Variants in EXOC4 observed in about 807,000 individuals in gnomAD.
EXOC4 encodes the protein exocyst complex component 4.
A neutral mutation model predicts 107.2 loss-of-function variants in EXOC4; 71 were observed. The ratio of observed to expected loss-of-function variants is 0.66; its 90% confidence interval spans 0.55 to 0.81. The LOEUF is 0.81. Ranked by LOEUF, EXOC4 falls within the 30% of genes least tolerant of loss-of-function variation. The probability of loss-of-function intolerance (pLI) is 0.00; values close to 1 mark genes in which losing one functional copy is unlikely to be tolerated. For synonymous variants in EXOC4, 456 were observed against 441.2 expected (o/e 1.03, Z -0.42); for missense variants, 1,108 against 1,189.6 (o/e 0.93, Z 1.01).
chr7:134,086,096 T>C, the EXOC4 span, among the ~76,000 whole-genome samples: 1 of 152,222 alleles, frequency 6.6e-6, no homozygotes, highest in Non-Finnish European at 1.5e-5. Context: ...AAAATCTCTG[T>C]TCAGTCATTA....
At chr7:133,541,862 A>G (rs771538883) in intron 9 of EXOC4, among the ~76,000 whole-genome samples, 1 of 152,014 alleles carries the variant, frequency 6.6e-6, no homozygotes, top group South Asian at 2.1e-4. Context: ...TTGGGAAAGA[A>G]GTTTTCCCCA....
intron 2 of EXOC4, among the ~76,000 whole-genome samples, chr7:133,281,250 A>G (rs555681275): frequency 1.3e-5 from 2 of 151,948 alleles, no homozygotes; most frequent in African/African-American, 4.8e-5. Context: ...AACCTGCACA[A>G]TGTGCACATG....
intron 10 of EXOC4, among the ~76,000 whole-genome samples, chr7:133,803,151 A>G (rs902898241): frequency 6.6e-5 from 10 of 152,326 alleles, no homozygotes; most frequent in Admixed American, 6.5e-4. Context: ...AAACTGTGTT[A>G]GAACTGGCTG....
Position 133,900,153 on chromosome 7 carries a change from G to A in EXOC4, c.1871+4418G>A, listed in dbSNP as rs146689197. Among the ~76,000 whole-genome samples the A allele has an allele frequency of 3.6e-3, 555 of 152,288 alleles. 5 individuals are homozygous for A. Among genetic ancestry groups the A allele is most frequent in the Admixed American group, 6.6e-3 (101 of 15,294 alleles). ...TACTGAGCATTTACCAAGATGCTGTGAGGGTGTGTGGGGATAAAGAAATTA... is the reference window on the plus strand; with the variant it reads ...TACTGAGCATTTACCAAGATGCTGTAAGGGTGTGTGGGGATAAAGAAATTA... On this transcript the variant is annotated intron_variant, in intron 12 of 17. Transcript: ENST00000253861.
Position 133,288,942 on chromosome 7 carries a change from A to G in EXOC4, c.297A>G (p.Ser99=), listed in dbSNP as rs771310915. ...KIKQVKENLL[S]CKMLLHCKRD... The stretch of plus-strand genomic sequence containing the variant: ...TGTAGGTAAAAGAGAACCTGCTTTC[A>G]TGCAAGATGCTGCTGCACTGCAAAC... The change falls in exon 3 of 18, where the codon TCA becomes TCG. Residue 99 remains serine, a synonymous_variant. Transcript: ENST00000253861. 48 of 1,614,054 alleles carry G rather than the reference A, an allele frequency of 3.0e-5. No individual in the cohort carries two copies. The highest frequency in any genetic ancestry group is 3.6e-5 in the Non-Finnish European group (43 of 1,179,994).
intron 7 of EXOC4, among the ~76,000 whole-genome samples, chr7:133,460,373 T>C (rs890227368): frequency 1.3e-5 from 2 of 152,182 alleles, no homozygotes; most frequent in African/African-American, 4.8e-5. Context: ...CCAGTAACTC[T>C]AGTGCACAGG....
At chr7:133,637,373 A>G (rs1020318455) in intron 10 of EXOC4, among the ~76,000 whole-genome samples, 2 of 152,184 alleles carry the variant, frequency 1.3e-5, no homozygotes, top group African/African-American at 4.8e-5. Context: ...ACATTGTTCT[A>G]CCCATGTCAG....
chr7:133,329,271 G>C (rs1001006718), intron 5 of EXOC4, among the ~76,000 whole-genome samples: 6 of 152,216 alleles, frequency 3.9e-5, no homozygotes, highest in East Asian at 1.9e-4. Context: ...AGCTCCATCA[G>C]GTCATTTAAG....
intron 5 of EXOC4, among the ~76,000 whole-genome samples, chr7:133,331,859 T>G (rs1481309900): frequency 6.6e-6 from 1 of 152,214 alleles, no homozygotes; most frequent in Non-Finnish European, 1.5e-5. Context: ...TCTAAATATG[T>G]AGGGCATGTA....
At chr7:133,817,150 A>G (rs531023813) in intron 10 of EXOC4, among the ~76,000 whole-genome samples, 175 bp from the exon 11 acceptor site, 1 of 151,978 alleles carries the variant, frequency 6.6e-6, no homozygotes, top group South Asian at 2.1e-4. Context: ...TTTCTATTCA[A>G]TTAGTGGAGT....
chr7:133,675,977 A>G (rs1794047759), intron 10 of EXOC4, among the ~76,000 whole-genome samples: 1 of 152,102 alleles, frequency 6.6e-6, no homozygotes, highest in African/African-American at 2.4e-5. Context: ...CTATGAATAA[A>G]GGATGTCTCA....
intron 11 of EXOC4, among the ~76,000 whole-genome samples, chr7:133,831,452 A>G (rs1797809283): frequency 6.6e-6 from 1 of 152,032 alleles, no homozygotes; most frequent in Admixed American, 6.6e-5. Flanking sequence ...TTTGTATTTT[A>G]TACTTGGAGT....
At chr7:133,883,816 C>A (rs951107486) in intron 11 of EXOC4, among the ~76,000 whole-genome samples, 1 of 152,132 alleles carries the variant, frequency 6.6e-6, no homozygotes, top group Non-Finnish European at 1.5e-5. Flanking sequence ...CCTCAGGCAC[C>A]AGCTCTTGGA....
Position 133,641,132 on chromosome 7 carries a change from A to G in EXOC4, c.1514+10991A>G, listed in dbSNP as rs141455710. Among the ~76,000 whole-genome samples the G allele has an allele frequency of 1.5e-3, 225 of 152,308 alleles. 3 individuals carry two copies. In the East Asian group the frequency reaches 0.028, roughly 19 times the overall value. ...GCCAAGAACCAGATGCAGAATTATC[A>G]CAGGAAGCCATGAGCAGGTATGGAC... is the stretch of plus-strand genomic sequence containing the variant. On this transcript the variant is annotated intron_variant, in intron 10 of 17. Coordinates refer to ENST00000253861, the MANE Select transcript of EXOC4 (RefSeq NM_021807.4).
chr7:133,385,826 T>A (rs767902198), intron 7 of EXOC4, among the ~76,000 whole-genome samples: 1 of 152,220 alleles, frequency 6.6e-6, no homozygotes, highest in Non-Finnish European at 1.5e-5. Flanking sequence ...CATCTTGACA[T>A]TTTACTTGAG....
At chr7:134,076,415 C>T in the EXOC4 span, among the ~76,000 whole-genome samples, 1 of 151,848 alleles carries the variant, frequency 6.6e-6, no homozygotes, top group Non-Finnish European at 1.5e-5. Context: ...CTACTCGGGA[C>T]GCTGAGGCAG....
intron 7 of EXOC4, among the ~76,000 whole-genome samples, chr7:133,396,928 G>A (rs1242363182): frequency 6.6e-6 from 1 of 152,112 alleles, no homozygotes; most frequent in Non-Finnish European, 1.5e-5. Context: ...GCTTTTACCT[G>A]CATTATATTT....
At chr7:134,069,323 C>CCCTCCTTCTCCTCCTTCTCCT (rs1563112410), downstream of EXOC4, among the ~76,000 whole-genome samples, 1 of 136,852 alleles carries the variant, frequency 7.3e-6, no homozygotes, top group Non-Finnish European at 1.6e-5. Context: ...TTCCTTCTCC[C>CCCTCCTTCTCCTCCTTCTCCT]CCTCCTTCTC....
At chr7:134,075,425 G>T in the EXOC4 span, among the ~76,000 whole-genome samples, 1 of 152,294 alleles carries the variant, frequency 6.6e-6, no homozygotes, top group South Asian at 2.1e-4. Flanking sequence ...TGGACTCACA[G>T]TTCCGCATGG....
Sources: allele counts gnomAD v4.1 joint callset (sites outside exome capture counted in the v4.1 genomes callset), GRCh38; gene constraint gnomAD v4.1.1; transcripts MANE v1.5; gene names NCBI Gene and HGNC (gene_info 2026-07-23, HGNC 2026-07-21).